IRAG1: variants seen among roughly 807,000 people sequenced by gnomAD.
IRAG1 encodes the protein IP3R-associated cGMP kinase substrate.
A neutral mutation model predicts 106.2 loss-of-function variants in IRAG1; 62 were observed. The observed-to-expected ratio is 0.58, with a 90% CI of 0.48 to 0.72. The LOEUF is 0.72. IRAG1 is among the 30% of genes least tolerant of loss of function. IRAG1 has a pLI of 0.00. For synonymous variants in IRAG1, 462 were observed against 443.9 expected (o/e 1.04, Z -0.51); for missense variants, 1,064 against 1,140.7 (o/e 0.93, Z 0.97).
intron 18 of IRAG1, among the ~76,000 whole-genome samples, chr11:10,584,877 A>G (rs1170855378): frequency 2.0e-5 from 3 of 152,082 alleles, no homozygotes; most frequent in Non-Finnish European, 4.4e-5. Context: ...TCAACAAATT[A>G]TATCTGCTAT....
At chr11:10,652,768 G>T (rs1284485884) in intron 1 of IRAG1, among the ~76,000 whole-genome samples, 1 of 152,150 alleles carries the variant, frequency 6.6e-6, no homozygotes, top group Non-Finnish European at 1.5e-5. Context: ...TGGATGGGGA[G>T]TAAGAGGTGC....
intron 10 of IRAG1, among the ~76,000 whole-genome samples, chr11:10,616,129 C>T (rs1035191833): frequency 6.6e-5 from 10 of 150,800 alleles, no homozygotes; most frequent in African/African-American, 2.4e-4. Flanking sequence ...CGTGGTGAAA[C>T]CCTAGCTCTA....
At chr11:10,609,236 G>T (rs1854736981) in intron 11 of IRAG1, among the ~76,000 whole-genome samples, 1 of 151,998 alleles carries the variant, frequency 6.6e-6, no homozygotes, top group East Asian at 1.9e-4. Flanking sequence ...CCTATTTTAT[G>T]GTCTTTCTAC....
intron 14 of IRAG1, among the ~76,000 whole-genome samples, 168 bp downstream of exon 14, chr11:10,602,952 A>G (rs981203198): frequency 6.6e-6 from 1 of 152,166 alleles, no homozygotes; most frequent in Non-Finnish European, 1.5e-5. Flanking sequence ...TTGAGGGTTC[A>G]GTGATCTGCC....
intron 1 of IRAG1, among the ~76,000 whole-genome samples, chr11:10,672,704 C>G (rs1860340164): frequency 6.6e-6 from 1 of 152,074 alleles, no homozygotes; most frequent in Admixed American, 6.6e-5. Context: ...AAACTAGAAC[C>G]CTTATATATT....
chr11:10,615,736 A>G (rs1275733080), intron 10 of IRAG1, among the ~76,000 whole-genome samples: 1 of 151,906 alleles, frequency 6.6e-6, no homozygotes, highest in African/African-American at 2.4e-5. Flanking sequence ...GAACAATGAG[A>G]ACACTTGGAC....
intron 15 of IRAG1, among the ~76,000 whole-genome samples, chr11:10,598,063 G>C (rs1379513589): frequency 2.0e-5 from 3 of 152,198 alleles, no homozygotes; most frequent in African/African-American, 7.2e-5. Flanking sequence ...GCTGGTTGGT[G>C]ATTATTATTT....
intron 2 of IRAG1, among the ~76,000 whole-genome samples, chr11:10,644,416 A>G (rs1220099984): frequency 6.6e-6 from 1 of 152,170 alleles, no homozygotes; most frequent in Non-Finnish European, 1.5e-5. Context: ...GCCTTAATTG[A>G]GGCTGTTCTT....
At chr11:10,682,578 A>T (rs1861346338) in intron 1 of IRAG1, among the ~76,000 whole-genome samples, 1 of 152,186 alleles carries the variant, frequency 6.6e-6, no homozygotes. Flanking sequence ...ACTGCAAGGA[A>T]ATGGGGCTGC....
intron 1 of IRAG1, among the ~76,000 whole-genome samples, chr11:10,692,563 T>C (rs1251019536): frequency 6.6e-6 from 1 of 152,158 alleles, no homozygotes; most frequent in Non-Finnish European, 1.5e-5. Context: ...CTGACTCCTT[T>C]GGACCCCCAG....
At chr11:10,660,370 T>C (rs1045994361) in intron 1 of IRAG1, among the ~76,000 whole-genome samples, 2 of 152,256 alleles carry the variant, frequency 1.3e-5, no homozygotes, top group African/African-American at 4.8e-5. Flanking sequence ...TGTCTCTGCA[T>C]AGCGGAAACT....
intron 2 of IRAG1, among the ~76,000 whole-genome samples, chr11:10,640,795 G>A (rs993310401): frequency 6.6e-6 from 1 of 152,206 alleles, no homozygotes; most frequent in African/African-American, 2.4e-5. Flanking sequence ...CTCAGGCTCA[G>A]AAGCCACACT....
intron 1 of IRAG1, among the ~76,000 whole-genome samples, chr11:10,683,770 T>C (rs1047574022): frequency 6.6e-6 from 1 of 152,118 alleles, no homozygotes. Context: ...CTTCCCTGGC[T>C]CCAGAGCTCA....
At chr11:10,666,126 G>A (rs1368559631) in intron 1 of IRAG1, among the ~76,000 whole-genome samples, 2 of 152,182 alleles carry the variant, frequency 1.3e-5, no homozygotes, top group Non-Finnish European at 2.9e-5. Flanking sequence ...TTTCTCCGCA[G>A]GGGAGTCATT....
At chr11:10,596,666 C>G (rs73412002) in intron 15 of IRAG1, among the ~76,000 whole-genome samples, 72 of 152,308 alleles carry the variant, frequency 4.7e-4, no homozygotes, top group African/African-American at 1.6e-3. Flanking sequence ...TCCCATATCT[C>G]AATGCTTCTT....
In IRAG1 at chr11:10,665,305, C is replaced by T. The variant is rs1162052217; in HGVS notation, c.68-13123G>A. ...GGTGGGCCCAGCATCTGGCCAGAAACCCCAGCCCAAACACAGAACCTTCTC... is the reference window on the plus strand; with the variant it reads ...GGTGGGCCCAGCATCTGGCCAGAAATCCCAGCCCAAACACAGAACCTTCTC... On this transcript the variant is annotated intron_variant, in intron 1 of 20. Transcript: ENST00000423302. The surrounding 1 kb of genome is among the most constrained non-coding windows in gnomAD (Gnocchi z 4.2). 6.6e-6 allele frequency among the ~76,000 whole-genome samples: 1 copy of T among 152,168 alleles called. No homozygotes were observed. Among genetic ancestry groups the T allele is most frequent in the Non-Finnish European group, 1.5e-5 (1 of 68,022 alleles).
intron 15 of IRAG1, among the ~76,000 whole-genome samples, chr11:10,597,273 CTTT>C (rs1186325569): frequency 6.6e-6 from 1 of 152,058 alleles, no homozygotes; most frequent in African/African-American, 2.4e-5. Context: ...TTTTATTCTT[CTTT>C]GATAACTGTA....
rs1201737304 is a variant in IRAG1, at chr11:10,628,043, C to T, written c.653-18G>A. On this transcript the variant is annotated intron_variant, in intron 6 of 20. Transcript: ENST00000423302. This position sits in a 1 kb window ranked among gnomAD's most constrained non-coding sequence, Gnocchi z 4.1. Reference sequence around the variant, plus strand: ...ATCCAAACCTGGAAGGGTCCAGACACTAGTGAGTGAGGCCCAGCAGCCCAG... The same window carrying T: ...ATCCAAACCTGGAAGGGTCCAGACATTAGTGAGTGAGGCCCAGCAGCCCAG... 6.2e-7 allele frequency: 1 copy of T among 1,613,682 alleles called. No individual in the cohort carries two copies. Among genetic ancestry groups the T allele is most frequent in the South Asian group, 1.1e-5 (1 of 90,980 alleles).
intron 2 of IRAG1, among the ~76,000 whole-genome samples, chr11:10,636,248 C>T (rs570564209): frequency 2.5e-4 from 38 of 152,300 alleles, no homozygotes; most frequent in Non-Finnish European, 3.5e-4. Flanking sequence ...AATCATAGCT[C>T]GTTGTAGCCT....
Sources: gnomAD v4.1 joint callset for allele counts (sites outside exome capture counted in the v4.1 genomes callset) on GRCh38, gnomAD v4.1.1 for gene constraint, Gnocchi (gnomAD v3.1) non-coding constraint, MANE v1.5 for transcripts, NCBI Gene and HGNC (gene_info 2026-07-23, HGNC 2026-07-21) for gene names.